Variants in HAPLN1 observed in about 807,000 individuals in gnomAD.
The protein encoded by HAPLN1 is hyaluronan and proteoglycan link protein 1.
A neutral mutation model predicts 36.5 loss-of-function variants in HAPLN1; 13 were observed. That is an observed-to-expected ratio of 0.36 (90% CI 0.23 to 0.57). The LOEUF is 0.57. Ranked by LOEUF, HAPLN1 falls within the 20% of genes least tolerant of loss-of-function variation. The probability of loss-of-function intolerance (pLI) is 0.83; values close to 1 mark genes in which losing one functional copy is unlikely to be tolerated. For missense variants in HAPLN1, 407 were observed against 439.7 expected, an observed-to-expected ratio of 0.93 and a Z score of 0.66; for synonymous variants, 202 against 169.8, an observed-to-expected ratio of 1.19 and a Z score of -1.48.
rs1749605022 is a variant in HAPLN1, at chr5:83,639,087, C to A, written c.*2409G>T. On this transcript the variant is annotated 3_prime_UTR_variant, in exon 5 of 5. Coordinates refer to ENST00000274341, the MANE Select transcript of HAPLN1 (RefSeq NM_001884.4). The stretch of plus-strand genomic sequence containing the variant: ...TAGGAATTGTATTAGAATAACCTTT[C>A]TTTTTCAGACCTGCTCAGTGAGACA... 1 of 151,986 alleles carries A rather than the reference C, an allele frequency of 6.6e-6. No individual in the cohort carries two copies. 9.4% of individuals were successfully genotyped at this position (151,986 alleles called of 1,614,324 possible).
At chr5:83,673,327 G>T in intron 2 of HAPLN1, 97 bp downstream of exon 2, 2 of 803,198 alleles carry the variant, frequency 2.5e-6, no homozygotes, top group Non-Finnish European at 4.0e-6. Flanking sequence ...AAAAGTCAAT[G>T]CAGCAGAACT....
chr5:83,648,119 T>C (rs938300298), intron 3 of HAPLN1, among the ~76,000 whole-genome samples: 2 of 152,028 alleles, frequency 1.3e-5, no homozygotes, highest in Non-Finnish European at 2.9e-5. Flanking sequence ...TGACACTCTT[T>C]TGTTACATCT....
At chr5:83,706,792 T>C (rs755089998) in intron 1 of HAPLN1, among the ~76,000 whole-genome samples, 1 of 152,196 alleles carries the variant, frequency 6.6e-6, no homozygotes, top group Non-Finnish European at 1.5e-5. Flanking sequence ...AGTCAAATTA[T>C]CTCTGTTTGC....
intron 1 of HAPLN1, 75 bp from the exon 2 acceptor site, chr5:83,673,624 C>T: frequency 1.3e-6 from 1 of 798,104 alleles, no homozygotes; most frequent in Non-Finnish European, 2.1e-6. Context: ...CAACTTATTA[C>T]CGCCTTATCA....
At chr5:83,659,531 A>G (rs1452902627) in intron 2 of HAPLN1, among the ~76,000 whole-genome samples, 1 of 152,140 alleles carries the variant, frequency 6.6e-6, no homozygotes, top group East Asian at 1.9e-4. Flanking sequence ...ACACTTCCAT[A>G]TTTAAAAAAT....
chr5:83,698,617 T>G (rs923236345), intron 1 of HAPLN1, among the ~76,000 whole-genome samples: 4 of 152,210 alleles, frequency 2.6e-5, no homozygotes, highest in Non-Finnish European at 5.9e-5. Context: ...TATAAATAGC[T>G]GCCAATTGTT....
At chr5:83,650,798 C>G (rs1175340656) in intron 3 of HAPLN1, among the ~76,000 whole-genome samples, 3 of 151,568 alleles carry the variant, frequency 2.0e-5, no homozygotes, top group Non-Finnish European at 4.4e-5. Context: ...CCATGCCCGG[C>G]TAATTTTTTG....
intron 1 of HAPLN1, chr5:83,674,822 G>A (rs1411945397): frequency 6.6e-6 from 1 of 152,142 alleles, no homozygotes; most frequent in Non-Finnish European, 1.5e-5. Context: ...TTCACAGAAG[G>A]TCCCCAAGTC....
chr5:83,701,766 C>T (rs879510818), intron 1 of HAPLN1, among the ~76,000 whole-genome samples: 1 of 152,048 alleles, frequency 6.6e-6, no homozygotes, highest in South Asian at 2.1e-4. Context: ...GGTGAAACCC[C>T]GTCTCTACTA....
At chr5:83,715,716 A>G (rs1421937404) in intron 1 of HAPLN1, among the ~76,000 whole-genome samples, 1 of 152,212 alleles carries the variant, frequency 6.6e-6, no homozygotes, top group Non-Finnish European at 1.5e-5. Flanking sequence ...TTGGAGTGTC[A>G]GAACTGCCTT....
At chr5:83,663,865 C>A (rs1342558946) in intron 2 of HAPLN1, among the ~76,000 whole-genome samples, 1 of 150,134 alleles carries the variant, frequency 6.7e-6, no homozygotes, top group Non-Finnish European at 1.5e-5. Flanking sequence ...CATCCTGGTC[C>A]CTGCCACCAT....
intron 1 of HAPLN1, 67 bp from the exon 2 acceptor site, chr5:83,673,616 A>C: frequency 1.2e-6 from 1 of 837,516 alleles, no homozygotes; most frequent in East Asian, 2.5e-5. Context: ...GCACTGCACA[A>C]CTTATTACCG....
chr5:83,719,004 C>T (rs1001415015), intron 1 of HAPLN1, among the ~76,000 whole-genome samples: 1 of 152,088 alleles, frequency 6.6e-6, no homozygotes, highest in Non-Finnish European at 1.5e-5. Context: ...TTTAGTAGAC[C>T]GTTTACTCAT....
chr5:83,688,612 G>A (rs557014853), intron 1 of HAPLN1, among the ~76,000 whole-genome samples: 2 of 134,402 alleles, frequency 1.5e-5, no homozygotes, highest in East Asian at 4.4e-4. Flanking sequence ...AATTTCCTGT[G>A]CTAGTATTTG....
intron 1 of HAPLN1, among the ~76,000 whole-genome samples, chr5:83,696,238 T>C (rs768128363): frequency 6.6e-6 from 1 of 152,056 alleles, no homozygotes; most frequent in African/African-American, 2.4e-5. Context: ...TTAAAAAACA[T>C]GTTCAGATAA....
intron 1 of HAPLN1, among the ~76,000 whole-genome samples, chr5:83,710,423 A>G (rs568877719): frequency 7.2e-5 from 11 of 152,272 alleles, no homozygotes; most frequent in African/African-American, 2.6e-4. Context: ...AAGCACTGAA[A>G]AAAAGTAATT....
intron 4 of HAPLN1, 75 bp from the exon 5 acceptor site, chr5:83,641,860 G>T (rs886957267): frequency 2.2e-5 from 32 of 1,456,584 alleles, no homozygotes; most frequent in Admixed American, 6.1e-5. Context: ...AGCCAAAAAC[G>T]GAAGTGTTTC....
At chr5:83,667,143 T>C (rs1403690220) in intron 2 of HAPLN1, among the ~76,000 whole-genome samples, 3 of 152,228 alleles carry the variant, frequency 2.0e-5, no homozygotes, top group African/African-American at 7.2e-5. Flanking sequence ...AATAAATAAG[T>C]TGTCTATAGG....
At chr5:83,648,161 T>C (rs947111483) in intron 3 of HAPLN1, among the ~76,000 whole-genome samples, 13 of 151,998 alleles carry the variant, frequency 8.6e-5, no homozygotes, top group Non-Finnish European at 1.6e-4. Flanking sequence ...GCCTGCTATT[T>C]CTAGGTAGGT....
Sources: gnomAD v4.1 joint callset for allele counts (sites outside exome capture counted in the v4.1 genomes callset) on GRCh38, gnomAD v4.1.1 for gene constraint, MANE v1.5 for transcripts, NCBI Gene and HGNC (gene_info 2026-07-23, HGNC 2026-07-21) for gene names.